Variants in MGME1 observed in about 807,000 individuals in gnomAD.
MGME1 encodes chromosome 20 open reading frame 72.
In MGME1, 22 loss-of-function variants were observed where a neutral mutation model predicts 33.0. The observed-to-expected ratio is 0.67, with a 90% CI of 0.48 to 0.95. The LOEUF is 0.95. MGME1 is among the 40% of genes least tolerant of loss of function. The pLI is 0.00. For synonymous variants in MGME1, 133 were observed against 144.0 expected (o/e 0.92, Z 0.55); for missense variants, 383 against 397.8 (o/e 0.96, Z 0.32).
chr20:17,968,799 C>A, upstream of MGME1: 1 of 265,816 alleles, frequency 3.8e-6, no homozygotes, highest in Non-Finnish European at 7.2e-6. Flanking sequence ...AGAAAGACCG[C>A]GTTTCGGTGC....
intron 3 of MGME1, among the ~76,000 whole-genome samples, chr20:17,985,462 G>A (rs2036131792): frequency 6.6e-6 from 1 of 152,124 alleles, no homozygotes; most frequent in Non-Finnish European, 1.5e-5. Flanking sequence ...AAAAGTTACA[G>A]TAAGCTAAAG....
At chr20:17,989,503 C>G (rs555102032) in intron 4 of MGME1, among the ~76,000 whole-genome samples, 2 of 151,594 alleles carry the variant, frequency 1.3e-5, no homozygotes, top group South Asian at 4.2e-4. Flanking sequence ...TTGCTTGAGC[C>G]CAGGAGTTCA....
At chr20:17,984,684 A>C (rs918861173) in intron 3 of MGME1, among the ~76,000 whole-genome samples, 1 of 152,166 alleles carries the variant, frequency 6.6e-6, no homozygotes, top group African/African-American at 2.4e-5. Context: ...AGTTTTTAAC[A>C]AAGGTTTAAG....
intron 3 of MGME1, among the ~76,000 whole-genome samples, chr20:17,987,875 A>C (rs2036192571): frequency 1.3e-5 from 2 of 151,584 alleles, no homozygotes; most frequent in African/African-American, 4.8e-5. Flanking sequence ...GGGGGGAGGA[A>C]TCCACTGGTT....
chr20:17,977,579 G>A (rs2035900753), intron 3 of MGME1, among the ~76,000 whole-genome samples: 1 of 152,058 alleles, frequency 6.6e-6, no homozygotes, highest in Non-Finnish European at 1.5e-5. Context: ...GAGATCTTGG[G>A]GAGATGTGCT....
At chr20:17,974,974 A>G (rs147597790) in intron 2 of MGME1, among the ~76,000 whole-genome samples, 18 of 152,334 alleles carry the variant, frequency 1.2e-4, no homozygotes, top group Non-Finnish European at 2.2e-4. Flanking sequence ...TGGTCTAAAA[A>G]GAACTACAAA....
chr20:17,975,664 T>C lies in MGME1; in HGVS notation c.512-20T>C, dbSNP rs771795689. On this transcript the variant is annotated intron_variant, in intron 2 of 4. Transcript: ENST00000377710. ...TTGTTTGTGTTTCCCCCCTCCCCTTTTCCCTGATTTTCTTTTCAGACGTCT... is the reference window on the plus strand; with the variant it reads ...TTGTTTGTGTTTCCCCCCTCCCCTTCTCCCTGATTTTCTTTTCAGACGTCT... 10 of 1,594,448 alleles carry C rather than the reference T, an allele frequency of 6.3e-6. No individual in the cohort carries two copies. The highest frequency in any genetic ancestry group is 5.0e-5 in the Admixed American group (3 of 59,662).
chr20:17,983,267 T>TGTG (rs1555791108), intron 3 of MGME1, among the ~76,000 whole-genome samples: 6 of 142,688 alleles, frequency 4.2e-5, no homozygotes, highest in African/African-American at 1.6e-4. Context: ...TAGTGTTCTA[T>TGTG]TGTGTGTGTG....
upstream of MGME1, chr20:17,968,788 G>A (rs897598937): frequency 2.4e-5 from 7 of 286,586 alleles, no homozygotes; most frequent in East Asian, 3.7e-4. Flanking sequence ...GACGCGTCTA[G>A]AGAAAGACCG....
In MGME1 at chr20:17,990,121, C is replaced by G; in HGVS notation, c.*12C>G. The G allele has an allele frequency of 6.2e-7, 1 of 1,613,064 alleles. No individual in the cohort carries two copies. Among genetic ancestry groups the G allele is most frequent in the Non-Finnish European group, 8.5e-7 (1 of 1,179,054 alleles). ...AATATTCAGAATAGGGAGCAAGTTG[C>G]TATTTGGGAACATTCAGCACCTTCT... On this transcript the variant is annotated 3_prime_UTR_variant, in exon 5 of 5. Coordinates refer to ENST00000377710, the MANE Select transcript of MGME1 (RefSeq NM_052865.4).
At chr20:17,989,752 A>G (rs1055033575) in intron 4 of MGME1, among the ~76,000 whole-genome samples, 187 bp from the exon 5 acceptor site, 4 of 151,344 alleles carry the variant, frequency 2.6e-5, no homozygotes, top group Non-Finnish European at 5.9e-5. Flanking sequence ...CCAGTCTTCA[A>G]TGTTTTATCT....
intron 3 of MGME1, 149 bp downstream of exon 3, chr20:17,976,052 G>C (rs748978403): frequency 2.9e-4 from 184 of 634,630 alleles, no homozygotes; most frequent in Non-Finnish European, 4.5e-4. Context: ...TTGAGAACAG[G>C]TACAAGGAGA....
Position 17,975,746 on chromosome 20 carries a change from A to T in MGME1, c.574A>T (p.Thr192Ser). The change falls in exon 3 of 5, where the codon ACC becomes TCC. Residue 192 changes from threonine to serine, a missense_variant. By Grantham distance (58) the Thr-to-Ser change is moderately conservative (BLOSUM62 1). Coordinates refer to ENST00000377710, the MANE Select transcript of MGME1 (RefSeq NM_052865.4). ...ALESILSPQETLKERDENLLK... is the reference protein window; with the variant it reads ...ALESILSPQESLKERDENLLK... ...GGAAAGCATACTTTCACCCCAGGAAACCTTAAAAGAGAGAGATGAAAATCT... is the reference window on the plus strand; with the variant it reads ...GGAAAGCATACTTTCACCCCAGGAATCCTTAAAAGAGAGAGATGAAAATCT... 1 of 1,614,044 alleles carries T rather than the reference A, an allele frequency of 6.2e-7. No homozygotes were observed. The highest frequency in any genetic ancestry group is 8.5e-7 in the Non-Finnish European group (1 of 1,180,012).
rs6111773 is a variant in MGME1, at chr20:17,982,310, G to C, written c.732-5856G>C. 8.5e-3 allele frequency among the ~76,000 whole-genome samples: 1,291 copies of C among 151,934 alleles called. 18 individuals carry two copies. The highest frequency in any genetic ancestry group is 0.03 in the African/African-American group (1,244 of 41,438). On this transcript the variant is annotated intron_variant, in intron 3 of 4. Transcript: ENST00000377710. ...TAATTTTTTGTTTTTAGTGGAGACA[G>C]GGTTTCACCATGTTGGCCAGGTTGG...
At chr20:17,974,859 T>A (rs1431873592) in intron 2 of MGME1, among the ~76,000 whole-genome samples, 1 of 152,120 alleles carries the variant, frequency 6.6e-6, no homozygotes, top group African/African-American at 2.4e-5. Context: ...TTCCATAATA[T>A]CAAATTCATA....
At chr20:17,970,686 T>C (rs757261814) in intron 2 of MGME1, among the ~76,000 whole-genome samples, 1 of 152,236 alleles carries the variant, frequency 6.6e-6, no homozygotes, top group Non-Finnish European at 1.5e-5. Context: ...TTTCCTTGAT[T>C]ATTGAAAAAA....
intron 3 of MGME1, among the ~76,000 whole-genome samples, chr20:17,977,593 CT>C (rs1600388821): frequency 1.3e-5 from 2 of 152,214 alleles, no homozygotes; most frequent in East Asian, 3.9e-4. Flanking sequence ...ATGTGCTCTA[CT>C]GCAAGGGTTT....
Position 17,970,304 on chromosome 20 carries a change from T to C in MGME1, c.445T>C (p.Leu149=), listed in dbSNP as rs377354123. 10 of 1,614,076 alleles carry C rather than the reference T, an allele frequency of 6.2e-6. No homozygotes were observed. The highest frequency in any genetic ancestry group is 8.5e-6 in the Non-Finnish European group (10 of 1,180,032). The change falls in exon 2 of 5, where the codon TTG becomes CTG. Residue 149 remains leucine (L), a synonymous_variant. Transcript: ENST00000377710. ...QTMTKQQVFL[L]ERWKQRMILE... is the part of the protein sequence containing the mutation. Reference sequence around the variant, plus strand: ...CATGACAAAACAACAGGTTTTCTTGTTGGAGAGGTGGAAACAGCGGATGAT... The same window carrying C: ...CATGACAAAACAACAGGTTTTCTTGCTGGAGAGGTGGAAACAGCGGATGAT...
chr20:17,987,742 T>C (rs948479155), intron 3 of MGME1, among the ~76,000 whole-genome samples: 4 of 152,186 alleles, frequency 2.6e-5, no homozygotes, highest in South Asian at 2.1e-4. Context: ...GATTTTGAAA[T>C]TGAAGTCATG....
Sources: gnomAD v4.1 joint callset for allele counts (sites outside exome capture counted in the v4.1 genomes callset) on GRCh38, gnomAD v4.1.1 for gene constraint, MANE v1.5 for transcripts, NCBI Gene and HGNC (gene_info 2026-07-23, HGNC 2026-07-21) for gene names.